HCK: variants seen among roughly 807,000 people sequenced by gnomAD.
The protein encoded by HCK is tyrosine-protein kinase HCK.
HCK carries 40 observed loss-of-function variants against 70.4 expected under a neutral mutation model. The ratio of observed to expected loss-of-function variants is 0.57; its 90% confidence interval spans 0.44 to 0.74. The LOEUF is 0.74. Ranked by LOEUF, HCK falls within the 30% of genes least tolerant of loss-of-function variation. The pLI is 0.00. For synonymous variants in HCK, 245 were observed against 263.2 expected (o/e 0.93, Z 0.67); for missense variants, 568 against 697.2 (o/e 0.81, Z 2.09).
intron 9 of HCK, among the ~76,000 whole-genome samples, chr20:32,087,975 A>G (rs559917072): frequency 3.3e-5 from 5 of 152,198 alleles, no homozygotes; most frequent in African/African-American, 1.2e-4. Flanking sequence ...AGGTCTCGCC[A>G]TCTTGCCCCA....
At position 32,086,685 on chromosome 20, in the gene HCK, C is replaced by T. The variant is rs747503111; in HGVS notation, c.893C>T (p.Ser298Leu). The T allele has an allele frequency of 9.9e-6, 16 of 1,613,174 alleles. No homozygotes were observed. Among genetic ancestry groups the T allele is most frequent in the African/African-American group, 1.3e-5 (1 of 74,850 alleles). The change falls in exon 9 of 13, where the codon TCG becomes TTG. Residue 298 changes from serine to leucine, a missense_variant. By Grantham distance (145) the Ser-to-Leu change is moderately radical. Around this residue, in one of 4 missense-constraint regions of HCK, gnomAD observed 160 missense variants for 237.5 expected, o/e 0.67. Coordinates refer to ENST00000375852, the MANE Select transcript of HCK (RefSeq NM_002110.5). ...AAGACGATGAAGCCAGGGAGCATGT[C>T]GGTGGAGGCCTTCCTGGCAGAGGCC...
intron 10 of HCK, among the ~76,000 whole-genome samples, chr20:32,089,057 A>G (rs1287346205): frequency 6.6e-6 from 1 of 152,244 alleles, no homozygotes; most frequent in Non-Finnish European, 1.5e-5. Context: ...GTCTCTCCAC[A>G]TAGCCCCTCA....
chr20:32,070,520 A>C (rs2045521217), intron 1 of HCK, among the ~76,000 whole-genome samples: 1 of 152,048 alleles, frequency 6.6e-6, no homozygotes, highest in African/African-American at 2.4e-5. Flanking sequence ...CTTCCCTCAG[A>C]GTGTCCCCTC....
At chr20:32,082,543 G>A (rs2045722487) in intron 6 of HCK, among the ~76,000 whole-genome samples, 1 of 152,142 alleles carries the variant, frequency 6.6e-6, no homozygotes, top group South Asian at 2.1e-4. Flanking sequence ...TCAGGAGGCT[G>A]AGGTAGGAGA....
chr20:32,089,359 A>C (rs917204010), intron 10 of HCK, among the ~76,000 whole-genome samples: 3 of 152,234 alleles, frequency 2.0e-5, no homozygotes, highest in African/African-American at 7.2e-5. Context: ...GCAGAAGTAA[A>C]GTACAGATGT....
At chr20:32,093,472 T>C (rs539935046) in intron 10 of HCK, among the ~76,000 whole-genome samples, 1 of 149,598 alleles carries the variant, frequency 6.7e-6, no homozygotes, top group East Asian at 1.9e-4. Flanking sequence ...TGAAAGCTCT[T>C]CATAGTATCC....
At position 32,073,321 on chromosome 20, in the gene HCK, G is replaced by T. The variant is rs759855346; in HGVS notation, c.186G>T (p.Gly62=). 6.2e-7 allele frequency: 1 copy of T among 1,611,368 alleles called. No individual in the cohort carries two copies. Among genetic ancestry groups the T allele is most frequent in the South Asian group, 1.1e-5 (1 of 90,710 alleles). The change falls in exon 3 of 13, where the codon GGG becomes GGT. Residue 62 remains glycine (G), a splice_region_variant and synonymous_variant. Transcript: ENST00000375852. ...CTTCTCTCATTTCTTCCCCACAGGG[G>T]CCTAATAGCCACAACAGCAACACAC...
intron 1 of HCK, 84 bp from the exon 2 acceptor site, chr20:32,071,578 G>A (rs562856900): frequency 1.8e-4 from 277 of 1,553,790 alleles, no homozygotes; most frequent in Non-Finnish European, 2.3e-4. Context: ...CCCGGGGGCA[G>A]GGGACCTGGA....
At chr20:32,080,268 G>A (rs777188396) in intron 6 of HCK, among the ~76,000 whole-genome samples, 4 of 151,942 alleles carry the variant, frequency 2.6e-5, no homozygotes, top group Non-Finnish European at 5.9e-5. Flanking sequence ...GTGCGATCTC[G>A]GCTCACTGCA....
chr20:32,082,359 T>C (rs766022386), intron 6 of HCK, among the ~76,000 whole-genome samples: 6 of 152,130 alleles, frequency 3.9e-5, no homozygotes, highest in Non-Finnish European at 8.8e-5. Context: ...CAGTATAAAC[T>C]GGCCAGGTGA....
intron 10 of HCK, among the ~76,000 whole-genome samples, chr20:32,093,489 TCG>T: frequency 1.0e-5 from 1 of 96,674 alleles, no homozygotes; most frequent in African/African-American, 4.7e-5. Flanking sequence ...ATCCTAGGGT[TCG>T]TGTGTGTGTG....
intron 2 of HCK, chr20:32,072,586 A>AT (rs2045559303): frequency 6.7e-6 from 1 of 150,088 alleles, no homozygotes; most frequent in Non-Finnish European, 1.5e-5. Flanking sequence ...AAAAAAAAAA[A>AT]AAAAGAGCTG....
At chr20:32,059,348 CCCCT>C (rs2045329075) in intron 1 of HCK, among the ~76,000 whole-genome samples, 1 of 147,084 alleles carries the variant, frequency 6.8e-6, no homozygotes, top group African/African-American at 2.5e-5. Context: ...CTTTCCTTCC[CCCCT>C]TCTCCTCCTC....
chr20:32,088,195 G>A (rs1006206748), intron 9 of HCK, among the ~76,000 whole-genome samples: 9 of 152,130 alleles, frequency 5.9e-5, no homozygotes, highest in African/African-American at 1.2e-4. Flanking sequence ...AGTGAGCCTC[G>A]TGCCTAGCCA....
At chr20:32,061,270 C>T (rs1490980798) in intron 1 of HCK, among the ~76,000 whole-genome samples, 1 of 152,258 alleles carries the variant, frequency 6.6e-6, no homozygotes, top group Non-Finnish European at 1.5e-5. Context: ...GCGTGAGCCA[C>T]TGCGCCCAGC....
chr20:32,087,393 C>T (rs1477265413), intron 9 of HCK, among the ~76,000 whole-genome samples: 1 of 151,444 alleles, frequency 6.6e-6, no homozygotes, highest in East Asian at 2.0e-4. Flanking sequence ...CTCAAGTGAT[C>T]CTCCCACCCC....
intron 1 of HCK, among the ~76,000 whole-genome samples, chr20:32,060,144 C>T (rs1031790406): frequency 6.6e-5 from 10 of 152,120 alleles, no homozygotes; most frequent in African/African-American, 1.9e-4. Flanking sequence ...GACTGCTCCT[C>T]TCCCAGCAGA....
At chr20:32,056,990 A>G (rs2122454236) in intron 1 of HCK, among the ~76,000 whole-genome samples, 1 of 151,930 alleles carries the variant, frequency 6.6e-6, no homozygotes, top group East Asian at 1.9e-4. Flanking sequence ...CTCCCCGAAC[A>G]CCCCTCCACC....
chr20:32,081,389 C>T (rs775919396), intron 6 of HCK, among the ~76,000 whole-genome samples: 1 of 152,152 alleles, frequency 6.6e-6, no homozygotes, highest in African/African-American at 2.4e-5. Flanking sequence ...AGGCTCATTG[C>T]CTCAAAGGAA....
Sources: allele counts gnomAD v4.1 joint callset (sites outside exome capture counted in the v4.1 genomes callset), GRCh38; gene constraint gnomAD v4.1.1; regional missense constraint gnomAD v4.1.1; transcripts MANE v1.5; gene names NCBI Gene and HGNC (gene_info 2026-07-23, HGNC 2026-07-21).